The following EHD3 variants were observed in gnomAD, a reference collection of about 807,000 sequenced individuals.
EHD3 encodes the protein EH domain containing 3.
In EHD3, 17 loss-of-function variants were observed where a neutral mutation model predicts 43.0. That is an observed-to-expected ratio of 0.40 (90% confidence interval 0.27 to 0.59). The LOEUF (loss-of-function observed/expected upper bound fraction) is 0.59. Ranked by LOEUF, EHD3 falls within the 20% of genes least tolerant of loss-of-function variation. EHD3 has a pLI of 0.49. For missense variants in EHD3, 594 were observed against 705.6 expected (o/e 0.84, Z 1.79); for synonymous variants, 313 against 289.5 (o/e 1.08, Z -0.82).
chr2:31,242,829 G>A (rs974553197), intron 1 of EHD3, among the ~76,000 whole-genome samples: 17 of 151,938 alleles, frequency 1.1e-4, no homozygotes, highest in East Asian at 1.9e-4. Context: ...GCGTGGTGGC[G>A]GCTGCCTGTA....
At position 31,266,138 on chromosome 2, in the gene EHD3, A is replaced by G; in HGVS notation, c.1081-39A>G. 6.4e-7 allele frequency: 1 copy of G among 1,569,664 alleles called. No homozygotes were observed. The highest frequency in any genetic ancestry group is 8.7e-7 in the Non-Finnish European group (1 of 1,155,012). ...GTGATAAATGGAGGGCTCTCCTTTC[A>G]TCGTATCCTATCTTCATCCTCTCTC... On this transcript the variant is annotated intron_variant, in intron 5 of 5. Transcript: ENST00000322054. The surrounding 1 kb of genome is among the most constrained non-coding windows in gnomAD (Gnocchi z 5.1).
chr2:31,243,995 A>G (rs1683472975), intron 1 of EHD3, among the ~76,000 whole-genome samples: 1 of 152,056 alleles, frequency 6.6e-6, no homozygotes, highest in Non-Finnish European at 1.5e-5. Flanking sequence ...TTGAGCCCAA[A>G]CCTTGCTCCT....
At chr2:31,261,472 G>A in intron 4 of EHD3, 77 bp from the exon 5 acceptor site, 1 of 1,535,660 alleles carries the variant, frequency 6.5e-7, no homozygotes, top group Non-Finnish European at 8.9e-7. Context: ...GGGAAGGAAT[G>A]ATGCAAGAGC....
chr2:31,248,427 A>T (rs1325349664), intron 2 of EHD3, among the ~76,000 whole-genome samples: 1 of 152,054 alleles, frequency 6.6e-6, no homozygotes, highest in African/African-American at 2.4e-5. Context: ...TGCTGGTCCC[A>T]TTGCACTGTG....
At chr2:31,236,734 C>T (rs964654706) in intron 1 of EHD3, among the ~76,000 whole-genome samples, 1 of 152,198 alleles carries the variant, frequency 6.6e-6, no homozygotes, top group Non-Finnish European at 1.5e-5. Flanking sequence ...ACATCCATGC[C>T]TTAGCATCTC....
Position 31,234,423 on chromosome 2 carries a change from G to T in EHD3, c.-199G>T, listed in dbSNP as rs1308846309. 1.7e-6 allele frequency: 1 copy of T among 597,602 alleles called. No homozygotes were observed. Among genetic ancestry groups the T allele is most frequent in the African/African-American group, 1.9e-5 (1 of 52,986 alleles). The allele number at this position is 597,602 out of a possible 1,614,324, so 37.0% of individuals were successfully genotyped here. A position where few individuals can be genotyped will look rare whatever the true frequency, so the allele number is the denominator to read the frequency against. ...GCCTGGGCTGCTGGATGCAGCAGCG[G>T]CTGGGCTTGGTCCCAGGAGCAGGGA... On this transcript the variant is annotated 5_prime_UTR_variant, in exon 1 of 6. Coordinates refer to ENST00000322054, the MANE Select transcript of EHD3 (RefSeq NM_014600.3).
chr2:31,259,095 C>T lies in EHD3; in HGVS notation c.503-1415C>T, dbSNP rs147528595. On this transcript the variant is annotated intron_variant, in intron 3 of 5. Coordinates refer to ENST00000322054, the MANE Select transcript of EHD3 (RefSeq NM_014600.3). ...CGATGGTGGCAATGAGCTTTGGGTC[C>T]CCAGTGTGTGTCACCTTGGAACCCT... is the stretch of plus-strand genomic sequence containing the variant. Among the ~76,000 whole-genome samples, 228 of 152,204 alleles carry T rather than the reference C, an allele frequency of 1.5e-3. 2 individuals are homozygous for T. Among genetic ancestry groups the T allele is most frequent in the Non-Finnish European group, 2.3e-3 (156 of 68,016 alleles).
intron 1 of EHD3, among the ~76,000 whole-genome samples, chr2:31,240,043 A>G (rs1457475067): frequency 6.6e-6 from 1 of 152,138 alleles, no homozygotes; most frequent in African/African-American, 2.4e-5. Flanking sequence ...GAATCCCTTC[A>G]TCACATGGCT....
In EHD3 at chr2:31,267,066, G is replaced by A. The variant is rs566961454; in HGVS notation, c.*362G>A. ...CAGATTCCCCAGTGCTTCCACACCC[G>A]GGCTCTGAGCAAATGGAAAAGACTT... On this transcript the variant is annotated 3_prime_UTR_variant, in exon 6 of 6. Transcript: ENST00000322054. The A allele has an allele frequency of 6.4e-5, 15 of 234,264 alleles. No individual in the cohort carries two copies. The highest frequency in any genetic ancestry group is 2.0e-4 in the African/African-American group (9 of 44,426). 14.5% of individuals were successfully genotyped at this position (234,264 alleles called of 1,614,324 possible).
intron 3 of EHD3, among the ~76,000 whole-genome samples, chr2:31,255,917 C>CCT (rs1309444727): frequency 6.6e-6 from 1 of 152,160 alleles, no homozygotes; most frequent in Non-Finnish European, 1.5e-5. Flanking sequence ...CAGCCTGCAG[C>CCT]CTCTCTCTCT....
At position 31,246,919 on chromosome 2, in the gene EHD3, C is replaced by T. The variant is rs535007734; in HGVS notation, c.405-2452C>T. Among the ~76,000 whole-genome samples, 14 of 145,462 alleles carry T rather than the reference C, an allele frequency of 9.6e-5. No homozygotes were observed. The South Asian group carries it at 2.4e-3, about 25-fold the overall frequency. On this transcript the variant is annotated intron_variant, in intron 2 of 5. Coordinates refer to ENST00000322054, the MANE Select transcript of EHD3 (RefSeq NM_014600.3). ...GGTTACCTTTTTTTTTTTTTTGAGA[C>T]GAGGTCTTGCTCTGTCGCCCAGGCT...
In EHD3 at chr2:31,264,885, A is replaced by C. The variant is rs188390802; in HGVS notation, c.1081-1292A>C. Among the ~76,000 whole-genome samples, 11 of 152,308 alleles carry C rather than the reference A, an allele frequency of 7.2e-5. No individual in the cohort carries two copies. In the East Asian group the frequency reaches 2.1e-3, roughly 29 times the overall value. ...AATTAGCTTAAAATGTACATTGTAT[A>C]TCTATACACAAATATTTTCTTTATA... On this transcript the variant is annotated intron_variant, in intron 5 of 5. Coordinates refer to ENST00000322054, the MANE Select transcript of EHD3 (RefSeq NM_014600.3).
chr2:31,251,445 C>G (rs889260358), intron 3 of EHD3, among the ~76,000 whole-genome samples: 2 of 152,160 alleles, frequency 1.3e-5, no homozygotes, highest in Non-Finnish European at 2.9e-5. Flanking sequence ...AGTGGGGAGG[C>G]TGAACATCCT....
intron 3 of EHD3, among the ~76,000 whole-genome samples, chr2:31,255,558 G>A (rs948558188): frequency 6.6e-6 from 1 of 152,054 alleles, no homozygotes; most frequent in African/African-American, 2.4e-5. Context: ...TTCTTACTGG[G>A]TCCAGTCCAT....
At chr2:31,253,707 G>A (rs1027064069) in intron 3 of EHD3, among the ~76,000 whole-genome samples, 1 of 152,164 alleles carries the variant, frequency 6.6e-6, no homozygotes, top group Non-Finnish European at 1.5e-5. Context: ...TCAGGGTGTG[G>A]ACCCTCTACT....
chr2:31,243,460 C>CTTTTTTTTTTTTTTTTTTT (rs1309146980), intron 1 of EHD3, among the ~76,000 whole-genome samples: 2 of 98,466 alleles, frequency 2.0e-5, no homozygotes, highest in Non-Finnish European at 1.8e-5. Flanking sequence ...TTCTTTCTTT[C>CTTTTTTTTTTTTTTTTTTT]TTTTTTTTTT....
intron 2 of EHD3, among the ~76,000 whole-genome samples, chr2:31,248,610 C>T (rs935785481): frequency 6.6e-6 from 1 of 152,192 alleles, no homozygotes; most frequent in Admixed American, 6.5e-5. Context: ...GGCATAGAGC[C>T]TGAGTGAGAC....
intron 1 of EHD3, among the ~76,000 whole-genome samples, chr2:31,236,202 C>G (rs1403217930): frequency 1.3e-5 from 2 of 152,202 alleles, no homozygotes; most frequent in African/African-American, 4.8e-5. Context: ...AAACACAACA[C>G]CACATTGAGT....
chr2:31,238,714 C>T (rs1683364903), intron 1 of EHD3, among the ~76,000 whole-genome samples: 1 of 152,214 alleles, frequency 6.6e-6, no homozygotes, highest in South Asian at 2.1e-4. Context: ...GGCCCCTGGT[C>T]ACTCCTTCTC....
Sources: gnomAD v4.1 joint callset for allele counts (sites outside exome capture counted in the v4.1 genomes callset) on GRCh38, gnomAD v4.1.1 for gene constraint, Gnocchi (gnomAD v3.1) non-coding constraint, MANE v1.5 for transcripts, NCBI Gene and HGNC (gene_info 2026-07-23, HGNC 2026-07-21) for gene names.